The following PTPN4 variants were observed in gnomAD, a reference collection of about 807,000 sequenced individuals.
The protein encoded by PTPN4 is tyrosine-protein phosphatase non-receptor type 4.
A neutral mutation model predicts 135.5 loss-of-function variants in PTPN4; 49 were observed. The observed-to-expected ratio is 0.36, with a 90% confidence interval of 0.29 to 0.46. PTPN4 has a LOEUF of 0.46. PTPN4 is among the 20% of genes least tolerant of loss of function. The pLI is 1.00. For missense variants in PTPN4, 860 were observed against 1,101.0 expected (o/e 0.78, Z 3.10); for synonymous variants, 333 against 369.9 (o/e 0.90, Z 1.14).
At chr2:119,842,744 C>A (rs112251662) in intron 2 of PTPN4, among the ~76,000 whole-genome samples, 3 of 152,134 alleles carry the variant, frequency 2.0e-5, no homozygotes, top group African/African-American at 7.2e-5. Context: ...CTTCTCCCAG[C>A]GGCCCAATGG....
At chr2:119,886,849 C>A (rs1439286310) in intron 9 of PTPN4, among the ~76,000 whole-genome samples, 1 of 152,130 alleles carries the variant, frequency 6.6e-6, no homozygotes. Flanking sequence ...AAGCTTATGT[C>A]AATCTTTCCT....
At chr2:119,858,927 C>T (rs566758680) in intron 2 of PTPN4, among the ~76,000 whole-genome samples, 5 of 152,148 alleles carry the variant, frequency 3.3e-5, no homozygotes, top group Non-Finnish European at 5.9e-5. Context: ...AGCCACCGCA[C>T]CCGGCCCTTT....
chr2:119,782,437 A>C (rs184770984), intron 1 of PTPN4, among the ~76,000 whole-genome samples: 2 of 152,132 alleles, frequency 1.3e-5, no homozygotes, highest in Non-Finnish European at 2.9e-5. Context: ...AAAGAAAAAA[A>C]AATTCTTAAG....
intron 3 of PTPN4, among the ~76,000 whole-genome samples, chr2:119,870,838 A>G (rs1344639078): frequency 6.6e-6 from 1 of 152,152 alleles, no homozygotes; most frequent in Non-Finnish European, 1.5e-5. Flanking sequence ...TAAGAGTTGG[A>G]AACATTTTTA....
Position 119,957,065 on chromosome 2 carries a change from G to T in PTPN4, c.2121G>T (p.Ala707=). ...AAGGTAATGAAGACTACATCAATGC[G>T]AACTATATAAATGTAAGTTTATTCT... ...ILKGNEDYIN[A]NYINMEIPSS... Residue 707 remains alanine (A), a synonymous_variant, in exon 22 of 27, where the codon GCG becomes GCT. Transcript: ENST00000263708. The T allele has an allele frequency of 6.2e-7, 1 of 1,608,458 alleles. No homozygotes were observed. The highest frequency in any genetic ancestry group is 8.5e-7 in the Non-Finnish European group (1 of 1,177,742).
At chr2:119,775,174 A>G (rs1339222970) in intron 1 of PTPN4, among the ~76,000 whole-genome samples, 1 of 147,980 alleles carries the variant, frequency 6.8e-6, no homozygotes, top group African/African-American at 2.5e-5. Context: ...TCAAGATTTA[A>G]GGGAGGAAAA....
At chr2:119,761,350 T>A (rs570988807) in intron 1 of PTPN4, among the ~76,000 whole-genome samples, 82 of 152,022 alleles carry the variant, frequency 5.4e-4, no homozygotes, top group Middle Eastern at 3.4e-3. Context: ...AGGAAAAAAA[T>A]TTTTTTTCAA....
intron 1 of PTPN4, among the ~76,000 whole-genome samples, chr2:119,769,770 A>T (rs1325409000): frequency 6.6e-6 from 1 of 152,234 alleles, no homozygotes; most frequent in African/African-American, 2.4e-5. Context: ...GGGTAAGCAA[A>T]ACTAATTAGC....
chr2:119,932,257 T>C, intron 13 of PTPN4, 167 bp from the exon 14 acceptor site: 1 of 562,854 alleles, frequency 1.8e-6, no homozygotes, highest in Non-Finnish European at 3.0e-6. Flanking sequence ...TGTACATTCT[T>C]AGGAAGTTAT....
intron 9 of PTPN4, among the ~76,000 whole-genome samples, chr2:119,887,847 A>T (rs72838963): frequency 6.6e-6 from 1 of 152,078 alleles, no homozygotes; most frequent in African/African-American, 2.4e-5. Context: ...TGCTTTGGCT[A>T]TTTGAGCTCT....
chr2:119,934,717 T>G, intron 14 of PTPN4, 83 bp from the exon 15 acceptor site: 2 of 1,389,210 alleles, frequency 1.4e-6, no homozygotes, highest in Non-Finnish European at 1.0e-6. Flanking sequence ...CATACCCCCT[T>G]TCTGATGTAA....
At chr2:119,854,409 A>G (rs558794646) in intron 2 of PTPN4, among the ~76,000 whole-genome samples, 72 of 152,294 alleles carry the variant, frequency 4.7e-4, no homozygotes, top group African/African-American at 1.7e-3. Flanking sequence ...TCCTTACCCT[A>G]TCTGCGTAAA....
chr2:119,886,290 C>T (rs74477313), intron 9 of PTPN4, among the ~76,000 whole-genome samples: 3,557 of 152,160 alleles, frequency 0.023, 129 homozygotes, highest in African/African-American at 0.078. Context: ...AGCACTATTA[C>T]GAGTTTTTAT....
intron 2 of PTPN4, among the ~76,000 whole-genome samples, chr2:119,818,913 A>C (rs1488616279): frequency 3.9e-5 from 6 of 152,182 alleles, no homozygotes; most frequent in Non-Finnish European, 8.8e-5. Context: ...ACCTTCTCAG[A>C]ACTGCACAAC....
At chr2:119,836,235 A>G (rs1214295275) in intron 2 of PTPN4, among the ~76,000 whole-genome samples, 1 of 152,218 alleles carries the variant, frequency 6.6e-6, no homozygotes, top group Non-Finnish European at 1.5e-5. Flanking sequence ...GTTCATTATT[A>G]TAGTTAAAGC....
At chr2:119,923,518 A>G (rs982500090) in intron 12 of PTPN4, among the ~76,000 whole-genome samples, 4 of 152,214 alleles carry the variant, frequency 2.6e-5, no homozygotes, top group African/African-American at 9.6e-5. Flanking sequence ...TTCAAGTCCA[A>G]AGTCAACATA....
At chr2:119,894,731 A>C (rs183590535) in intron 9 of PTPN4, among the ~76,000 whole-genome samples, 2 of 152,210 alleles carry the variant, frequency 1.3e-5, no homozygotes, top group Non-Finnish European at 2.9e-5. Context: ...CCAAAGGAAT[A>C]ATTTTTTTAC....
Position 119,983,927 on chromosome 2 carries a change from A to T in PTPN4, c.*6857A>T, listed in dbSNP as rs747522211. ...TTAGAAATCCATTTGTTTTCAGTGT[A>T]GTACCTAGGGTGAAGTAGATGCTGC... On this transcript the variant is annotated 3_prime_UTR_variant, in exon 27 of 27. Transcript: ENST00000263708. The T allele has an allele frequency of 7.2e-5, 11 of 152,156 alleles. 1 individual carries two copies. Among genetic ancestry groups the T allele is most frequent in the Non-Finnish European group, 1.0e-4 (7 of 68,020 alleles). 9.4% of individuals were successfully genotyped at this position (152,156 alleles called of 1,614,324 possible).
intron 3 of PTPN4, among the ~76,000 whole-genome samples, chr2:119,864,102 C>G (rs1677798270): frequency 6.6e-6 from 1 of 152,138 alleles, no homozygotes; most frequent in African/African-American, 2.4e-5. Context: ...GAGGATCACT[C>G]AGGAGAGTGA....
Sources: gnomAD v4.1 joint callset for allele counts (sites outside exome capture counted in the v4.1 genomes callset) on GRCh38, gnomAD v4.1.1 for gene constraint, MANE v1.5 for transcripts, NCBI Gene and HGNC (gene_info 2026-07-23, HGNC 2026-07-21) for gene names.